Variants in HMCES observed in about 807,000 individuals in gnomAD.
The protein encoded by HMCES is 5-hydroxymethylcytosine binding, ES cell specific.
A neutral mutation model predicts 35.1 loss-of-function variants in HMCES; 27 were observed. The ratio of observed to expected loss-of-function variants is 0.77; its 90% CI spans 0.57 to 1.06. The LOEUF is 1.06. Ranked by LOEUF, HMCES falls within the 50% of genes least tolerant of loss-of-function variation. The probability of loss-of-function intolerance (pLI) is 0.00; values close to 1 mark genes in which losing one functional copy is unlikely to be tolerated. For missense variants in HMCES, 391 were observed against 430.4 expected (o/e 0.91, Z 0.81); for synonymous variants, 130 against 154.7 (o/e 0.84, Z 1.18).
At chr3:129,301,404 C>G (rs2071167489) in intron 5 of HMCES, among the ~76,000 whole-genome samples, 1 of 147,358 alleles carries the variant, frequency 6.8e-6, no homozygotes, top group Non-Finnish European at 1.5e-5. Context: ...GTATCTGAAT[C>G]AACTGTACCA....
chr3:129,287,231 TG>T (rs1327992547), intron 2 of HMCES, among the ~76,000 whole-genome samples: 1 of 151,922 alleles, frequency 6.6e-6, no homozygotes, highest in Non-Finnish European at 1.5e-5. Flanking sequence ...TGTTTTGTTT[TG>T]TTTTTTTTGA....
intron 2 of HMCES, among the ~76,000 whole-genome samples, chr3:129,286,187 G>A (rs1364685563): frequency 6.6e-6 from 1 of 152,216 alleles, no homozygotes; most frequent in Non-Finnish European, 1.5e-5. Context: ...GAATGTTTGT[G>A]TCCTTGAAAA....
Position 129,280,000 on chromosome 3 carries a change from G to A in HMCES, c.183+85G>A. 8.3e-7 allele frequency: 1 copy of A among 1,208,864 alleles called. No individual in the cohort carries two copies. Among genetic ancestry groups the A allele is most frequent in the Non-Finnish European group, 1.1e-6 (1 of 885,598 alleles). The allele number at this position is 1,208,864 out of a possible 1,614,324, so 74.9% of individuals were successfully genotyped here. On this transcript the variant is annotated intron_variant, in intron 2 of 6. Transcript: ENST00000383463. This position sits in a 1 kb window ranked among gnomAD's most constrained non-coding sequence, Gnocchi z 4.2. The stretch of plus-strand genomic sequence containing the variant: ...TGGTTTGGTGTGTGCTCAGCCTCTT[G>A]GGATGACATTAAAAACCAGCCTTTA...
intron 4 of HMCES, among the ~76,000 whole-genome samples, chr3:129,296,459 C>T (rs2071093985): frequency 6.6e-6 from 1 of 152,172 alleles, no homozygotes; most frequent in Non-Finnish European, 1.5e-5. Context: ...ACATTTTCCA[C>T]AAGAGTCTTT....
chr3:129,290,717 A>G lies in HMCES; in HGVS notation c.366A>G (p.Ala122=). Residue 122 remains alanine (A), a synonymous_variant, in exon 4 of 7, where the codon GCA becomes GCG. Coordinates refer to ENST00000383463, the MANE Select transcript of HMCES (RefSeq NM_020187.3). ...AGGGAAGACGCTGTGTCGTTTTAGC[A>G]GATGGATTCTATGAGTGGCAGCGAT... is the stretch of plus-strand genomic sequence containing the variant. ...LGKGRRCVVL[A]DGFYEWQRCQ... is the part of the protein sequence containing the mutation. 1 of 1,613,668 alleles carries G rather than the reference A, an allele frequency of 6.2e-7. No homozygotes were observed. The highest frequency in any genetic ancestry group is 8.5e-7 in the Non-Finnish European group (1 of 1,179,636).
Position 129,279,819 on chromosome 3 carries a change from C to G in HMCES, c.87C>G (p.Leu29=), listed in dbSNP as rs1325587324. 6.2e-7 allele frequency: 1 copy of G among 1,613,674 alleles called. No homozygotes were observed. Among genetic ancestry groups the G allele is most frequent in the Admixed American group, 1.7e-5 (1 of 59,942 alleles). The part of the protein sequence containing the change: ...AYQDRRGQQR[L]PEWRDPDKYC... ...AGGATCGGCGGGGCCAGCAGCGGCT[C>G]CCGGAGTGGAGGGACCCTGATAAGT... is the stretch of plus-strand genomic sequence containing the variant. The change falls in exon 2 of 7, where the codon CTC becomes CTG. Residue 29 remains leucine (L), a synonymous_variant. Transcript: ENST00000383463. The surrounding 1 kb of genome is among the most constrained non-coding windows in gnomAD (Gnocchi z 4.2).
rs764726455 is a variant in HMCES at position 129,290,688 on chromosome 3, G to A, written c.337G>A (p.Gly113Arg). Residue 113 changes from glycine (G) to arginine (R), a missense_variant, in exon 4 of 7, where the codon GGA becomes AGA. Physicochemically the swap from Gly to Arg is moderately radical, Grantham distance 125. Coordinates refer to ENST00000383463, the MANE Select transcript of HMCES (RefSeq NM_020187.3). ...TCACATTTTCCCTCAGGTGCCTCTG[G>A]GAAAGGGAAGACGCTGTGTCGTTTT... ...MEKRSFKVPL[G>R]KGRRCVVLAD... 1.2e-6 allele frequency: 2 copies of A among 1,613,170 alleles called. No homozygotes were observed. The highest frequency in any genetic ancestry group is 3.3e-5 in the Admixed American group (2 of 59,980).
chr3:129,293,862 C>T (rs763557727), intron 4 of HMCES, among the ~76,000 whole-genome samples: 1 of 152,050 alleles, frequency 6.6e-6, no homozygotes, highest in Non-Finnish European at 1.5e-5. Context: ...AGCTACTGCG[C>T]CTGGACTTGA....
chr3:129,283,446 C>T (rs1383713890), intron 2 of HMCES, among the ~76,000 whole-genome samples: 4 of 151,648 alleles, frequency 2.6e-5, no homozygotes, highest in Non-Finnish European at 5.9e-5. Context: ...ATCCTGCTGC[C>T]TCAACCTCCC....
rs2107690804 is a variant in HMCES, at chr3:129,290,747, G to A, written c.396G>A (p.Gln132=). 6.2e-7 allele frequency: 1 copy of A among 1,613,606 alleles called. No individual in the cohort carries two copies. Among genetic ancestry groups the A allele is most frequent in the Non-Finnish European group, 8.5e-7 (1 of 1,179,638 alleles). The change falls in exon 4 of 7, where the codon CAG becomes CAA. Residue 132 remains glutamine, a synonymous_variant. Coordinates refer to ENST00000383463, the MANE Select transcript of HMCES (RefSeq NM_020187.3). ...ADGFYEWQRC[Q]GTNQRQPYFI... ...GATTCTATGAGTGGCAGCGATGTCA[G>A]GGAACAAACCAGAGGCAGCCATACT... is the stretch of plus-strand genomic sequence containing the variant.
At chr3:129,297,701 C>T (rs905681169) in intron 4 of HMCES, among the ~76,000 whole-genome samples, 1 of 152,116 alleles carries the variant, frequency 6.6e-6, no homozygotes, top group African/African-American at 2.4e-5. Context: ...TGTATGAAGG[C>T]TTGTGTCTCC....
chr3:129,280,616 G>C (rs956474333), intron 2 of HMCES, among the ~76,000 whole-genome samples: 2 of 152,196 alleles, frequency 1.3e-5, no homozygotes, highest in Non-Finnish European at 2.9e-5. Flanking sequence ...AAACACTTCT[G>C]ATGTTTCTTG....
In HMCES at chr3:129,279,898, C is replaced by T. The variant is rs1228206233; in HGVS notation, c.166C>T (p.Arg56Ter). 2 of 1,593,978 alleles carry T rather than the reference C, an allele frequency of 1.3e-6. No homozygotes were observed. The highest frequency in any genetic ancestry group is 1.8e-5 in the Admixed American group (1 of 54,368). Residue 56 changes from arginine (R) to a stop codon, truncating the protein, a stop_gained, in exon 2 of 7, where the codon CGA (arginine) becomes TGA (stop). Coordinates refer to ENST00000383463, the MANE Select transcript of HMCES (RefSeq NM_020187.3). LOFTEE classifies it high-confidence loss of function. The surrounding 1 kb of genome is among the most constrained non-coding windows in gnomAD (Gnocchi z 4.2). ...PQSNSPVLLSRLHFEKDADSS... is the reference protein window; with the variant it reads ...PQSNSPVLLS ...ATCCAACAGCCCAGTGCTTCTGTCT[C>T]GACTGCACTTTGAGAAGGTAACCAG... is the stretch of plus-strand genomic sequence containing the variant.
chr3:129,300,789 G>A (rs1576993793), intron 5 of HMCES, among the ~76,000 whole-genome samples: 1 of 152,112 alleles, frequency 6.6e-6, no homozygotes, highest in East Asian at 1.9e-4. Flanking sequence ...CCAGCACTTT[G>A]GGAGGCTGAG....
intron 4 of HMCES, among the ~76,000 whole-genome samples, chr3:129,292,883 T>A (rs1336362578): frequency 2.6e-5 from 4 of 152,046 alleles, no homozygotes; most frequent in African/African-American, 2.4e-5. Flanking sequence ...ATTAAAAAAA[T>A]GTTTAGGGAG....
intron 2 of HMCES, 27 bp from the exon 3 acceptor site, chr3:129,288,827 C>T (rs1242827168): frequency 6.9e-7 from 1 of 1,457,168 alleles, no homozygotes; most frequent in East Asian, 2.4e-5. Flanking sequence ...ATTATGATCT[C>T]CTCACTAGAT....
chr3:129,285,510 G>T (rs1187743197), intron 2 of HMCES, among the ~76,000 whole-genome samples: 1 of 151,670 alleles, frequency 6.6e-6, no homozygotes, highest in African/African-American at 2.4e-5. Context: ...GCAGTGCAGT[G>T]GCACAAACTC....
chr3:129,281,188 C>T (rs962375976), intron 2 of HMCES, among the ~76,000 whole-genome samples: 16 of 151,848 alleles, frequency 1.1e-4, no homozygotes, highest in Admixed American at 9.8e-4. Context: ...CACCACTGCA[C>T]TCCAGCCTGG....
intron 6 of HMCES, 146 bp from the exon 7 acceptor site, chr3:129,304,443 T>C: frequency 1.4e-6 from 1 of 703,926 alleles, no homozygotes; most frequent in South Asian, 1.7e-5. Context: ...TTTCCACTCT[T>C]GACTGGTGGG....
Sources: allele counts gnomAD v4.1 joint callset (sites outside exome capture counted in the v4.1 genomes callset), GRCh38; gene constraint gnomAD v4.1.1; non-coding constraint Gnocchi (gnomAD v3.1); transcripts MANE v1.5; gene names NCBI Gene and HGNC (gene_info 2026-07-23, HGNC 2026-07-21).